Variants in RNF135 observed in about 807,000 individuals in gnomAD.
The protein encoded by RNF135 is E3 ubiquitin-protein ligase RNF135.
In RNF135, 46 loss-of-function variants were observed where a neutral mutation model predicts 41.9. That is an observed-to-expected ratio of 1.10 (90% CI 0.87 to 1.40). RNF135 has a LOEUF of 1.40. Ranked by LOEUF, RNF135 falls within the 40% of genes most tolerant of loss-of-function variation. RNF135 has a pLI of 0.00. For missense variants in RNF135, 539 were observed against 549.8 expected, an observed-to-expected ratio of 0.98 and a Z score of 0.20; for synonymous variants, 238 against 223.8, an observed-to-expected ratio of 1.06 and a Z score of -0.57.
chr17:30,961,935 C>A, the RNF135 span, among the ~76,000 whole-genome samples: 1 of 152,164 alleles, frequency 6.6e-6, no homozygotes, highest in African/African-American at 2.4e-5. Flanking sequence ...CCAGAACATG[C>A]TTACTAGTAA....
the RNF135 span, among the ~76,000 whole-genome samples, chr17:30,961,109 G>A: frequency 6.6e-6 from 1 of 152,150 alleles, no homozygotes; most frequent in African/African-American, 2.4e-5. Flanking sequence ...CACTGCATGT[G>A]TCAATATGTC....
At chr17:30,963,878 G>T in the RNF135 span, among the ~76,000 whole-genome samples, 267 of 152,316 alleles carry the variant, frequency 1.8e-3, no homozygotes, top group Admixed American at 4.4e-3. Context: ...CACTTTGGAG[G>T]CCAAGAAGGG....
the RNF135 span, chr17:30,964,951 T>TG: frequency 6.6e-6 from 1 of 152,242 alleles, no homozygotes; most frequent in Non-Finnish European, 1.5e-5. Context: ...CTCAAAATGC[T>TG]GGGATTACAA....
chr17:30,988,741 G>T (rs1907777030), intron 3 of RNF135, among the ~76,000 whole-genome samples: 1 of 143,212 alleles, frequency 7.0e-6, no homozygotes, highest in Admixed American at 6.9e-5. Flanking sequence ...TTTTTAACTA[G>T]TAAATGTCTT....
At chr17:30,959,204 G>A in the RNF135 span, 1 of 152,158 alleles carries the variant, frequency 6.6e-6, no homozygotes, top group Non-Finnish European at 1.5e-5. Flanking sequence ...GGAACTTATG[G>A]TCTAGAGGAG....
intron 1 of RNF135, among the ~76,000 whole-genome samples, chr17:30,977,582 C>T (rs1047201551): frequency 2.0e-5 from 3 of 152,114 alleles, no homozygotes; most frequent in African/African-American, 7.2e-5. Flanking sequence ...TCATGTTGTC[C>T]AGGCTGGTCT....
intron 3 of RNF135, among the ~76,000 whole-genome samples, chr17:30,991,563 C>T (rs927561791): frequency 2.6e-5 from 4 of 151,560 alleles, no homozygotes; most frequent in East Asian, 2.0e-4. Flanking sequence ...ATTACAGGCA[C>T]CTGCCACCAG....
At chr17:30,983,355 T>A (rs7209412) in intron 1 of RNF135, among the ~76,000 whole-genome samples, 369 of 31,252 alleles carry the variant, frequency 0.012, no homozygotes, top group Admixed American at 0.024. Context: ...ATATATATAT[T>A]TTTTTTTTTT....
intron 2 of RNF135, among the ~76,000 whole-genome samples, 192 bp downstream of exon 2, chr17:30,984,952 G>T (rs1274451356): frequency 6.6e-6 from 1 of 152,164 alleles, no homozygotes; most frequent in Non-Finnish European, 1.5e-5. Context: ...CTTCAGATGG[G>T]CTAGGATCAC....
At chr17:30,989,477 G>A (rs1328485176) in intron 3 of RNF135, among the ~76,000 whole-genome samples, 3 of 152,148 alleles carry the variant, frequency 2.0e-5, no homozygotes, top group Admixed American at 1.3e-4. Flanking sequence ...GAACCTTTCT[G>A]TCCTGATCCT....
the RNF135 span, chr17:30,959,134 G>A: frequency 1.3e-5 from 2 of 152,156 alleles, no homozygotes; most frequent in Admixed American, 1.3e-4. Context: ...AACTCTGTTG[G>A]GTGTACTCTG....
At chr17:30,968,080 G>GCCA, upstream of RNF135, among the ~76,000 whole-genome samples, 1 of 151,814 alleles carries the variant, frequency 6.6e-6, no homozygotes, top group East Asian at 2.0e-4. Flanking sequence ...GACAAGCCTG[G>GCCA]CCAACATGGA....
At chr17:30,970,779 C>G (rs967642239), upstream of RNF135, 2 of 500,076 alleles carry the variant, frequency 4.0e-6, no homozygotes, top group Non-Finnish European at 7.1e-6. Flanking sequence ...GGAGGGACAT[C>G]CAGCTAAAGG....
At chr17:30,968,446 T>A (rs1598069031), upstream of RNF135, among the ~76,000 whole-genome samples, 1 of 150,444 alleles carries the variant, frequency 6.6e-6, no homozygotes, top group African/African-American at 2.5e-5. Flanking sequence ...AGTGCAGTGG[T>A]GCGAACTCAG....
intron 1 of RNF135, chr17:30,978,589 C>A (rs933233915): frequency 2.0e-5 from 3 of 151,150 alleles, no homozygotes; most frequent in African/African-American, 7.3e-5. Flanking sequence ...TTAATTATTT[C>A]TTTTTTTTAT....
At chr17:30,986,498 G>T (rs1299220864) in intron 2 of RNF135, among the ~76,000 whole-genome samples, 1 of 152,134 alleles carries the variant, frequency 6.6e-6, no homozygotes, top group Non-Finnish European at 1.5e-5. Flanking sequence ...CCTGGCTGAT[G>T]CTTTTGTTCT....
At chr17:30,990,575 TC>T (rs1451214811) in intron 3 of RNF135, among the ~76,000 whole-genome samples, 2 of 152,176 alleles carry the variant, frequency 1.3e-5, no homozygotes, top group African/African-American at 2.4e-5. Flanking sequence ...CTCTCTTCCA[TC>T]CTTGCCAATT....
At chr17:30,974,739 G>A (rs1369453282) in intron 1 of RNF135, among the ~76,000 whole-genome samples, 1 of 151,698 alleles carries the variant, frequency 6.6e-6, no homozygotes, top group Non-Finnish European at 1.5e-5. Context: ...GAGTGCAGTG[G>A]CACGATCTTG....
intron 2 of RNF135, among the ~76,000 whole-genome samples, chr17:30,985,273 C>T (rs1331654014): frequency 6.6e-6 from 1 of 152,220 alleles, no homozygotes; most frequent in African/African-American, 2.4e-5. Flanking sequence ...GCATCCATGG[C>T]TTTAATGACC....
Sources: allele counts gnomAD v4.1 joint callset (sites outside exome capture counted in the v4.1 genomes callset), GRCh38; gene constraint gnomAD v4.1.1; transcripts MANE v1.5; gene names NCBI Gene and HGNC (gene_info 2026-07-23, HGNC 2026-07-21).